The following ST6GAL1 variants were observed in gnomAD, a reference collection of about 807,000 sequenced individuals.
The protein encoded by ST6GAL1 is ST6 beta-galactoside alpha-2,6-sialyltransferase 1, also known as beta-galactoside alpha-2,6-sialyltransferase 1.
ST6GAL1 carries 20 observed loss-of-function variants against 38.0 expected under a neutral mutation model. The ratio of observed to expected loss-of-function variants is 0.53; its 90% CI spans 0.37 to 0.77. The LOEUF (loss-of-function observed/expected upper bound fraction) is 0.77, where lower values mean the gene tolerates loss of function less well. ST6GAL1 is among the 30% of genes least tolerant of loss of function. The probability of loss-of-function intolerance (pLI) is 0.00; values close to 1 mark genes in which losing one functional copy is unlikely to be tolerated. For synonymous variants in ST6GAL1, 196 were observed against 188.2 expected (o/e 1.04, Z -0.34); for missense variants, 432 against 496.4 (o/e 0.87, Z 1.23).
At chr3:186,997,803 C>T (rs1716470170) in intron 2 of ST6GAL1, among the ~76,000 whole-genome samples, 1 of 149,714 alleles carries the variant, frequency 6.7e-6, no homozygotes, top group Admixed American at 6.7e-5. Context: ...CATATTGAGA[C>T]AATGCTGACT....
chr3:186,949,662 T>C (rs1458735617), intron 1 of ST6GAL1, among the ~76,000 whole-genome samples: 3 of 152,218 alleles, frequency 2.0e-5, no homozygotes, highest in African/African-American at 4.8e-5. Flanking sequence ...CTGCCTTCCC[T>C]GTTAACTACC....
chr3:186,971,504 T>A, intron 2 of ST6GAL1, among the ~76,000 whole-genome samples: 1 of 152,232 alleles, frequency 6.6e-6, no homozygotes, highest in East Asian at 1.9e-4. Flanking sequence ...CCAGTCTGGC[T>A]GTCTGAATCT....
chr3:187,063,397 GAGA>G (rs1359928973), intron 5 of ST6GAL1, among the ~76,000 whole-genome samples: 3 of 152,206 alleles, frequency 2.0e-5, no homozygotes, highest in African/African-American at 7.2e-5. Flanking sequence ...GGTTTTAGTA[GAGA>G]AGGTTTGAAC....
intron 2 of ST6GAL1, among the ~76,000 whole-genome samples, chr3:186,971,704 A>ATTTTTCCAGGGAGGATTG (rs1326565758): frequency 6.6e-6 from 1 of 152,136 alleles, no homozygotes; most frequent in Non-Finnish European, 1.5e-5. Flanking sequence ...AGAGCTGTGT[A>ATTTTTCCAGGGAGGATTG]TTTTTCCAGG....
chr3:186,971,689 T>C (rs191482343), intron 2 of ST6GAL1, among the ~76,000 whole-genome samples: 2 of 152,334 alleles, frequency 1.3e-5, no homozygotes, highest in East Asian at 3.9e-4. Context: ...AAAGTGATAT[T>C]TTATAGAGCT....
In ST6GAL1 at chr3:187,051,232, T is replaced by G. The variant is rs755275605; in HGVS notation, c.608-17T>G. 6.2e-7 allele frequency: 1 copy of G among 1,612,518 alleles called. No individual in the cohort carries two copies. The highest frequency in any genetic ancestry group is 8.5e-7 in the Non-Finnish European group (1 of 1,178,636). On this transcript the variant is annotated splice_polypyrimidine_tract_variant and intron_variant, in intron 4 of 7. Coordinates refer to ENST00000169298, the MANE Select transcript of ST6GAL1 (RefSeq NM_173216.2). Reference sequence around the variant, plus strand: ...CCAGTGCTCATCACCTCTTTTCTGTTTCTTTGTGGTTTATAGATGATCATG... The same window carrying G: ...CCAGTGCTCATCACCTCTTTTCTGTGTCTTTGTGGTTTATAGATGATCATG...
intron 1 of ST6GAL1, among the ~76,000 whole-genome samples, chr3:186,938,970 G>A (rs866096949): frequency 2.0e-5 from 3 of 151,872 alleles, no homozygotes; most frequent in Non-Finnish European, 2.9e-5. Flanking sequence ...GTATGTGTGT[G>A]TAGGGAGGAT....
intron 2 of ST6GAL1, among the ~76,000 whole-genome samples, chr3:187,017,692 A>G (rs934193352): frequency 6.6e-6 from 1 of 152,188 alleles, no homozygotes; most frequent in Non-Finnish European, 1.5e-5. Flanking sequence ...GTTGCACTTC[A>G]GTGATTCTGG....
intron 2 of ST6GAL1, among the ~76,000 whole-genome samples, chr3:186,983,209 G>A (rs1483941529): frequency 2.6e-5 from 4 of 152,158 alleles, no homozygotes; most frequent in Non-Finnish European, 5.9e-5. Context: ...ACCACGGTTT[G>A]GGCACTGGAC....
chr3:187,023,740 G>C (rs982236783), intron 2 of ST6GAL1, among the ~76,000 whole-genome samples: 2 of 152,122 alleles, frequency 1.3e-5, no homozygotes, highest in East Asian at 1.9e-4. Context: ...GTTGTGGGGT[G>C]GGGGGAACGG....
At chr3:187,070,525 A>C (rs1719329376) in intron 5 of ST6GAL1, among the ~76,000 whole-genome samples, 1 of 149,174 alleles carries the variant, frequency 6.7e-6, no homozygotes, top group Admixed American at 6.7e-5. Context: ...CCTGGGTTCA[A>C]GTGATTCTCC....
intron 1 of ST6GAL1, among the ~76,000 whole-genome samples, chr3:186,951,675 C>T (rs1409792798): frequency 6.6e-6 from 1 of 152,186 alleles, no homozygotes; most frequent in East Asian, 1.9e-4. Context: ...CTTCCCTATC[C>T]ATACTCTCAG....
intron 2 of ST6GAL1, among the ~76,000 whole-genome samples, chr3:187,022,467 T>G (rs2108566069): frequency 6.6e-6 from 1 of 152,278 alleles, no homozygotes. Flanking sequence ...TCTAGTGACT[T>G]GAAGTCAGTA....
At chr3:186,956,986 A>G (rs2108523876) in intron 1 of ST6GAL1, among the ~76,000 whole-genome samples, 1 of 152,374 alleles carries the variant, frequency 6.6e-6, no homozygotes, top group Admixed American at 6.5e-5. Context: ...AGATAAGAGA[A>G]TATGTTGCAT....
chr3:187,067,394 CTTTTT>C lies in ST6GAL1; in HGVS notation c.706-5438_706-5434del, dbSNP rs3055154. Among the ~76,000 whole-genome samples the C allele has an allele frequency of 7.0e-5, 8 of 114,134 alleles. No individual in the cohort carries two copies. In the East Asian group the frequency reaches 7.3e-4, roughly 10 times the overall value. 74.9% of individuals were successfully genotyped at this position (114,134 alleles called of 152,430 possible). Reference sequence around the variant, plus strand: ...GAGCCACTGCACCTGGCAAGGCAACCTTTTTTTTTTTTTTTTTTTTTGGTAGAAAA... The same window carrying C: ...GAGCCACTGCACCTGGCAAGGCAACCTTTTTTTTTTTTTTTTGGTAGAAAA... On this transcript the variant is annotated intron_variant, in intron 5 of 7. Transcript: ENST00000169298.
chr3:187,030,183 C>G (rs1000170938), intron 2 of ST6GAL1, among the ~76,000 whole-genome samples: 1 of 152,010 alleles, frequency 6.6e-6, no homozygotes, highest in Non-Finnish European at 1.5e-5. Context: ...CAACGAAGCA[C>G]GGTATTTTGG....
At chr3:186,996,909 T>C (rs1716431003) in intron 2 of ST6GAL1, among the ~76,000 whole-genome samples, 1 of 151,778 alleles carries the variant, frequency 6.6e-6, no homozygotes, top group Admixed American at 6.6e-5. Flanking sequence ...TTCCACCTTG[T>C]ATTGCCAGTT....
At chr3:186,980,712 T>A (rs1366981983) in intron 2 of ST6GAL1, among the ~76,000 whole-genome samples, 1 of 148,452 alleles carries the variant, frequency 6.7e-6, no homozygotes, top group Non-Finnish European at 1.5e-5. Flanking sequence ...GAGGTGGAGG[T>A]TGCAGTGAGG....
chr3:187,000,515 TTTTGCCATTG>T (rs1716583126), intron 2 of ST6GAL1, among the ~76,000 whole-genome samples: 1 of 152,154 alleles, frequency 6.6e-6, no homozygotes. Flanking sequence ...TGAGCCAAGA[TTTTGCCATTG>T]CACTCCAGCC....
Sources: gnomAD v4.1 joint callset for allele counts (sites outside exome capture counted in the v4.1 genomes callset) on GRCh38, gnomAD v4.1.1 for gene constraint, MANE v1.5 for transcripts, NCBI Gene and HGNC (gene_info 2026-07-23, HGNC 2026-07-21) for gene names.